Variants in RARG observed in about 807,000 individuals in gnomAD.
RARG encodes the protein RAR-gamma.
RARG carries 17 observed loss-of-function variants against 43.7 expected under a neutral mutation model. The ratio of observed to expected loss-of-function variants is 0.39; its 90% CI spans 0.27 to 0.58. RARG has a LOEUF of 0.58. Ranked by LOEUF, RARG falls within the 20% of genes least tolerant of loss-of-function variation. RARG has a pLI of 0.57. For synonymous variants in RARG, 238 were observed against 236.4 expected, an observed-to-expected ratio of 1.01 and a Z score of -0.06; for missense variants, 346 against 598.7, an observed-to-expected ratio of 0.58 and a Z score of 4.40.
At chr12:53,212,749 C>T (rs977911553) in intron 9 of RARG, among the ~76,000 whole-genome samples, 20 of 149,888 alleles carry the variant, frequency 1.3e-4, no homozygotes, top group South Asian at 2.1e-4. Context: ...CACACACACA[C>T]ACACACACAC....
At position 53,227,428 on chromosome 12, in the gene RARG, C is replaced by G. The variant is rs141642280; in HGVS notation, c.118G>C (p.Glu40Gln). ...CCCCGGAAGCTAGGGCTCAGCATCT[C>G]GAAAGGCGGAGACCCCCTGAGTGCC... ...PGALRGSPPF[E>Q]MLSPSFRGLG... Residue 40 changes from glutamate to glutamine, a missense_variant, in exon 3 of 10, where the codon GAG (glutamate) becomes CAG (glutamine). By Grantham distance (29) the Glu-to-Gln change is conservative. Around this residue, in one of 8 missense-constraint regions of RARG, gnomAD observed 90 missense variants for 93.2 expected, o/e 0.97. Coordinates refer to ENST00000425354, the MANE Select transcript of RARG (RefSeq NM_000966.6). The surrounding 1 kb of genome is among the most constrained non-coding windows in gnomAD (Gnocchi z 4.3). The G allele has an allele frequency of 1.9e-6, 3 of 1,609,352 alleles. No individual in the cohort carries two copies. Among genetic ancestry groups the G allele is most frequent in the South Asian group, 2.2e-5 (2 of 90,160 alleles).
chr12:53,220,115 A>C, intron 3 of RARG: 2 of 1,549,856 alleles, frequency 1.3e-6, no homozygotes, highest in Non-Finnish European at 1.7e-6. Context: ...ACCCGGCTTG[A>C]AGGGAAACTG....
Position 53,213,410 on chromosome 12 carries a change from T to TA in RARG, c.1018+85_1018+86insT. ...ACCAGCAGAAGAGACCACTGGGTCC[T>TA]CCACGCCCCCTCCCAGACAGATTCC... On this transcript the variant is annotated intron_variant, in intron 8 of 9. Coordinates refer to ENST00000425354, the MANE Select transcript of RARG (RefSeq NM_000966.6). The surrounding 1 kb of genome is among the most constrained non-coding windows in gnomAD (Gnocchi z 4.7). The TA allele has an allele frequency of 6.5e-7, 1 of 1,529,800 alleles. No homozygotes were observed. The highest frequency in any genetic ancestry group is 9.0e-7 in the Non-Finnish European group (1 of 1,115,326). 94.8% of individuals were successfully genotyped at this position (1,529,800 alleles called of 1,614,324 possible). A position where few individuals can be genotyped will look rare whatever the true frequency, so the allele number is the denominator to read the frequency against.
intron 3 of RARG, among the ~76,000 whole-genome samples, chr12:53,221,778 T>G (rs1459339880): frequency 6.8e-6 from 1 of 147,970 alleles, no homozygotes; most frequent in Non-Finnish European, 1.5e-5. Flanking sequence ...CCGGCCTGCC[T>G]GCCCAGCCGG....
At position 53,227,901 on chromosome 12, in the gene RARG, T is replaced by A. The variant is rs1273186799; in HGVS notation, c.-142-214A>T. On this transcript the variant is annotated intron_variant, in intron 2 of 9. Coordinates refer to ENST00000425354, the MANE Select transcript of RARG (RefSeq NM_000966.6). This position sits in a 1 kb window ranked among gnomAD's most constrained non-coding sequence, Gnocchi z 4.3. ...AGAGGAGCTCCAGGAAAGGTTAAAC[T>A]GAGGTCCCAAGGTGAATGATGGTCT... Among the ~76,000 whole-genome samples the A allele has an allele frequency of 1.3e-5, 2 of 152,142 alleles. No individual in the cohort carries two copies. The highest frequency in any genetic ancestry group is 1.3e-4 in the Admixed American group (2 of 15,264).
Position 53,227,333 on chromosome 12 carries a change from C to G in RARG, c.184+29G>C. 6.7e-7 allele frequency: 1 copy of G among 1,499,770 alleles called. No homozygotes were observed. Among genetic ancestry groups the G allele is most frequent in the Non-Finnish European group, 8.9e-7 (1 of 1,122,078 alleles). 92.9% of individuals were successfully genotyped at this position (1,499,770 alleles called of 1,614,324 possible). A position where few individuals can be genotyped will look rare whatever the true frequency, so the allele number is the denominator to read the frequency against. ...CTGATGCCTTCTTGTTAACATTTGCCTTCATTCCCCAAGATCCCTGAGACT... is the reference window on the plus strand; with the variant it reads ...CTGATGCCTTCTTGTTAACATTTGCGTTCATTCCCCAAGATCCCTGAGACT... On this transcript the variant is annotated intron_variant, in intron 3 of 9. Transcript: ENST00000425354. This position sits in a 1 kb window ranked among gnomAD's most constrained non-coding sequence, Gnocchi z 4.3.
chr12:53,220,697 C>T (rs904089609), intron 3 of RARG, among the ~76,000 whole-genome samples: 1 of 152,208 alleles, frequency 6.6e-6, no homozygotes, highest in Non-Finnish European at 1.5e-5. Context: ...TGCATTTGCA[C>T]TGAGGCGCGT....
chr12:53,222,789 G>GA (rs1181637210), intron 3 of RARG, among the ~76,000 whole-genome samples: 1 of 152,056 alleles, frequency 6.6e-6, no homozygotes, highest in African/African-American at 2.4e-5. Context: ...GAGGGTGGGG[G>GA]ATCTAGTGCC....
rs1167476591 is a variant in RARG at position 53,227,157 on chromosome 12, C to G, written c.184+205G>C. Reference sequence around the variant, plus strand: ...CTATCCTATTTGACAGGAGAACTCTCATTTGCAAACACTTCCATTGAGTCC... The same window carrying G: ...CTATCCTATTTGACAGGAGAACTCTGATTTGCAAACACTTCCATTGAGTCC... On this transcript the variant is annotated intron_variant, in intron 3 of 9. Coordinates refer to ENST00000425354, the MANE Select transcript of RARG (RefSeq NM_000966.6). This position sits in a 1 kb window ranked among gnomAD's most constrained non-coding sequence, Gnocchi z 4.3. 6.6e-6 allele frequency among the ~76,000 whole-genome samples: 1 copy of G among 152,128 alleles called. No individual in the cohort carries two copies. Among genetic ancestry groups the G allele is most frequent in the Non-Finnish European group, 1.5e-5 (1 of 68,036 alleles).
intron 2 of RARG, among the ~76,000 whole-genome samples, chr12:53,230,856 T>C (rs1943218543): frequency 6.6e-6 from 1 of 151,356 alleles, no homozygotes; most frequent in Non-Finnish European, 1.5e-5. Context: ...TGTGTGTGTG[T>C]GTGTGTGTGT....
At chr12:53,218,271 G>C (rs1342397787) in intron 3 of RARG, among the ~76,000 whole-genome samples, 2 of 152,148 alleles carry the variant, frequency 1.3e-5, no homozygotes, top group Non-Finnish European at 2.9e-5. Context: ...GGGCAGGCCT[G>C]AAGCTGGCTT....
intron 3 of RARG, among the ~76,000 whole-genome samples, chr12:53,216,849 C>T (rs760269641): frequency 0.042 from 4,887 of 116,578 alleles, 128 homozygotes; most frequent in South Asian, 0.15. Flanking sequence ...TGTGCGCGCG[C>T]GCGCGCGCGC....
At position 53,227,214 on chromosome 12, in the gene RARG, A is replaced by ACC. The variant is rs1036052298; in HGVS notation, c.184+146_184+147dup. Reference sequence around the variant, plus strand: ...AAACTCCTTCCTCACCACCACTACCACCCTCCATTATTCACTACTACTCCA... The same window carrying ACC: ...AAACTCCTTCCTCACCACCACTACCACCCCCTCCATTATTCACTACTACTCCA... On this transcript the variant is annotated intron_variant, in intron 3 of 9. Transcript: ENST00000425354. The surrounding 1 kb of genome is among the most constrained non-coding windows in gnomAD (Gnocchi z 4.3). The ACC allele has an allele frequency of 2.7e-6, 2 of 747,926 alleles. No individual in the cohort carries two copies. Among genetic ancestry groups the ACC allele is most frequent in the African/African-American group, 3.7e-5 (2 of 54,488 alleles). The allele number at this position is 747,926 out of a possible 1,614,324, so 46.3% of individuals were successfully genotyped here. A position where few individuals can be genotyped will look rare whatever the true frequency, so the allele number is the denominator to read the frequency against.
At chr12:53,219,342 C>A (rs1182371474) in intron 3 of RARG, among the ~76,000 whole-genome samples, 1 of 152,188 alleles carries the variant, frequency 6.6e-6, no homozygotes, top group Non-Finnish European at 1.5e-5. Context: ...CTTTTCCACC[C>A]GGCATGAGAA....
At chr12:53,220,711 C>G (rs1476756249) in intron 3 of RARG, among the ~76,000 whole-genome samples, 1 of 152,176 alleles carries the variant, frequency 6.6e-6, no homozygotes, top group African/African-American at 2.4e-5. Context: ...GGCGCGTGCC[C>G]AGGTCGGGGT....
intron 9 of RARG, among the ~76,000 whole-genome samples, chr12:53,212,739 C>T (rs11170476): frequency 0.49 from 58,332 of 117,936 alleles, 12,076 homozygotes; most frequent in Middle Eastern, 0.55. Flanking sequence ...TATATATATA[C>T]ACACACACAC....
Position 53,227,658 on chromosome 12 carries a change from C to T in RARG, c.-113G>A. The T allele has an allele frequency of 7.5e-7, 1 of 1,336,598 alleles. No individual in the cohort carries two copies. 82.8% of individuals were successfully genotyped at this position (1,336,598 alleles called of 1,614,324 possible). On this transcript the variant is annotated 5_prime_UTR_variant, in exon 3 of 10. Coordinates refer to ENST00000425354, the MANE Select transcript of RARG (RefSeq NM_000966.6). The surrounding 1 kb of genome is among the most constrained non-coding windows in gnomAD (Gnocchi z 4.3). ...CCTGGGAGGCTCCGTACCCGCCCTG[C>T]CTGGCCTGCCCACTGGGCCTCCAAA...
chr12:53,223,665 G>A (rs1017150544), intron 3 of RARG, among the ~76,000 whole-genome samples: 5 of 152,214 alleles, frequency 3.3e-5, no homozygotes, highest in African/African-American at 7.2e-5. Context: ...CCTGGAGGAG[G>A]CCTCACTGCC....
rs1278299091 is a variant in RARG, at chr12:53,214,623, C to A, written c.476-17G>T. On this transcript the variant is annotated splice_polypyrimidine_tract_variant and intron_variant, in intron 5 of 9. Coordinates refer to ENST00000425354, the MANE Select transcript of RARG (RefSeq NM_000966.6). ...TTCGCACAGCTTGTGGGTGGAGGCG[C>A]AAGGAGAGGGTCAGGACCCTCAGAG... is the stretch of plus-strand genomic sequence containing the variant. 1.3e-6 allele frequency: 2 copies of A among 1,591,194 alleles called. No homozygotes were observed. Among genetic ancestry groups the A allele is most frequent in the African/African-American group, 2.7e-5 (2 of 74,504 alleles).
Sources: gnomAD v4.1 joint callset for allele counts (sites outside exome capture counted in the v4.1 genomes callset) on GRCh38, gnomAD v4.1.1 for gene constraint, gnomAD v4.1.1 regional missense constraint, Gnocchi (gnomAD v3.1) non-coding constraint, MANE v1.5 for transcripts, NCBI Gene and HGNC (gene_info 2026-07-23, HGNC 2026-07-21) for gene names.